NEB: variants seen among roughly 807,000 people sequenced by gnomAD.
NEB encodes the protein nebulin, also known as nemaline myopathy type 2.
In NEB, 512 loss-of-function variants were observed where a neutral mutation model predicts 952.2. The observed-to-expected ratio is 0.54, with a 90% CI of 0.50 to 0.58. The LOEUF is 0.58. Among genes scored for constraint, NEB ranks in the 20% least tolerant of loss-of-function variants. NEB has a pLI of 0.00. For synonymous variants in NEB, 2,900 were observed against 3,149.8 expected, an observed-to-expected ratio of 0.92 and a Z score of 2.66; for missense variants, 8,428 against 9,231.1, an observed-to-expected ratio of 0.91 and a Z score of 3.56.
In NEB at chr2:151,534,305, A is replaced by C. The variant is rs777930884; in HGVS notation, c.21313-759T>G. The C allele has an allele frequency of 4.9e-5, 79 of 1,613,270 alleles. No homozygotes were observed. Among genetic ancestry groups the C allele is most frequent in the Non-Finnish European group, 6.5e-5 (77 of 1,179,704 alleles). On this transcript the variant is annotated intron_variant, in intron 142 of 181. Coordinates refer to ENST00000397345, the MANE Select transcript of NEB (RefSeq NM_001164508.2). ...ATTTATCTTTCCGCTGCTCATAATC[A>C]GCTCTGTATTTTTTCTGCTCAAACA... is the stretch of plus-strand genomic sequence containing the variant.
intron 164 of NEB, chr2:151,505,914 TTGAC>T (rs1424097092): frequency 3.6e-6 from 2 of 563,112 alleles, no homozygotes; most frequent in Non-Finnish European, 6.3e-6. Context: ...GGTTGGTTCT[TTGAC>T]TGTACCGGAT....
chr2:151,642,548 G>A, intron 60 of NEB, 26 bp downstream of exon 60: 1 of 1,577,734 alleles, frequency 6.3e-7, no homozygotes, highest in Non-Finnish European at 8.7e-7. Flanking sequence ...CAAAGCTAAG[G>A]CAAATAACTT....
rs1397144611 is a variant in NEB, at chr2:151,492,408, C to A, written c.24852G>T (p.Glu8284Asp). 1.2e-6 allele frequency: 2 copies of A among 1,606,090 alleles called. No individual in the cohort carries two copies. The highest frequency in any genetic ancestry group is 2.2e-5 in the East Asian group (1 of 44,800). The change falls in exon 177 of 182, where the codon GAG becomes GAT. Residue 8284 changes from glutamate to aspartate, a missense_variant. Physicochemically the swap from Glu to Asp is conservative, Grantham distance 45. This residue lies in a region of NEB where 3,374 missense variants were observed against 3,651.5 expected (regional missense o/e 0.92). Coordinates refer to ENST00000397345, the MANE Select transcript of NEB (RefSeq NM_001164508.2). ...TCACCGTTGAGATGTGCCGTTGGGT[C>A]TCCCTCACCCGTCTCATCTCGGGGG... ...LDTPEMRRVR[E>D]TQRHISTVKY...
intron 52 of NEB, among the ~76,000 whole-genome samples, chr2:151,651,904 C>T (rs1245844013): frequency 2.6e-5 from 4 of 152,092 alleles, no homozygotes; most frequent in African/African-American, 7.2e-5. Context: ...AGCTTTCTGA[C>T]CTGACCTTCC....
At chr2:151,556,632 G>A (rs1000579614) in intron 124 of NEB, among the ~76,000 whole-genome samples, 13 of 152,130 alleles carry the variant, frequency 8.5e-5, no homozygotes, top group African/African-American at 3.1e-4. Flanking sequence ...TACATAATGG[G>A]AAAGGGATCA....
intron 142 of NEB, chr2:151,534,073 GTGGCTAGACAGA>G: frequency 1.6e-6 from 1 of 639,080 alleles, no homozygotes. Context: ...GGCTTTTTGG[GTGGCTAGACAGA>G]TACTTTGAAA....
At position 151,627,771 on chromosome 2, in the gene NEB, C is replaced by T; in HGVS notation, c.9895G>A (p.Asp3299Asn). Residue 3299 changes from aspartate (D) to asparagine (N), a missense_variant, in exon 69 of 182, where the codon GAT (aspartate) becomes AAT (asparagine). Asp to Asn is a conservative substitution (Grantham distance 23). Around this residue, in one of 11 missense-constraint regions of NEB, gnomAD observed 1,772 missense variants for 1,960.3 expected, o/e 0.90. Coordinates refer to ENST00000397345, the MANE Select transcript of NEB (RefSeq NM_001164508.2). ...ATGGACCACATCATCTTGGGGTCAT[C>T]TTCAATGTTCCGGGCTCCAATGTGG... ...GHHIGARNIE[D>N]DPKMMWSMHV... is the part of the protein sequence containing the mutation. 6.2e-7 allele frequency: 1 copy of T among 1,613,970 alleles called. No homozygotes were observed. The highest frequency in any genetic ancestry group is 1.3e-5 in the African/African-American group (1 of 75,044).
chr2:151,605,915 G>A (rs1354334155), intron 84 of NEB, among the ~76,000 whole-genome samples: 3 of 101,930 alleles, frequency 2.9e-5, no homozygotes, highest in African/African-American at 7.9e-5. Flanking sequence ...TGATTCTCCT[G>A]CCTCAGACTC....
intron 56 of NEB, 109 bp from the exon 57 acceptor site, chr2:151,644,238 C>G: frequency 7.0e-7 from 1 of 1,418,782 alleles, no homozygotes; most frequent in South Asian, 1.4e-5. Flanking sequence ...GCCTAGAGAG[C>G]CAAAGACTTC....
At chr2:151,692,491 A>G (rs1197861038) in intron 20 of NEB, 129 bp from the exon 21 acceptor site, 7 of 761,264 alleles carry the variant, frequency 9.2e-6, no homozygotes, top group Non-Finnish European at 1.6e-5. Flanking sequence ...TCAATTTTCC[A>G]CAAAGCAGAA....
Position 151,614,456 on chromosome 2 carries a change from C to G in NEB, c.11421G>C (p.Glu3807Asp). 10 of 1,613,944 alleles carry G rather than the reference C, an allele frequency of 6.2e-6. No homozygotes were observed. Among genetic ancestry groups the G allele is most frequent in the Non-Finnish European group, 7.6e-6 (9 of 1,179,860 alleles). The change falls in exon 77 of 182, where the codon GAG becomes GAC. Residue 3807 changes from glutamate to aspartate, a missense_variant. Transcript: ENST00000397345. ...TGAACTTGGTCTTCCACTTCTCAAA[C>G]TCCTTCTTGTACTCCCTGTCACTCT... Reference protein sequence around the residue: ...KIQSDREYKKEFEKWKTKFSS... With the variant: ...KIQSDREYKKDFEKWKTKFSS...
In NEB at chr2:151,563,879, C is replaced by T. The variant is rs34556044; in HGVS notation, c.18523G>A (p.Asp6175Asn). 3.7e-6 allele frequency: 6 copies of T among 1,612,702 alleles called. No homozygotes were observed. Among genetic ancestry groups the T allele is most frequent in the Non-Finnish European group, 5.1e-6 (6 of 1,179,432 alleles). ...EGTKAYGYTL[D>N]ERYIPIVGAK... is the part of the protein sequence containing the mutation. ...CCAACAATGGGAATGTAGCGCTCATCCAGGGTGTAGCCATAGGCCTTGGTG... is the reference window on the plus strand; with the variant it reads ...CCAACAATGGGAATGTAGCGCTCATTCAGGGTGTAGCCATAGGCCTTGGTG... Residue 6175 changes from aspartate (D) to asparagine (N), a missense_variant, in exon 118 of 182, where the codon GAT (aspartate) becomes AAT (asparagine). Transcript: ENST00000397345.
chr2:151,546,085 T>G, intron 134 of NEB, 87 bp from the exon 135 acceptor site: 1 of 947,648 alleles, frequency 1.1e-6, no homozygotes, highest in Non-Finnish European at 1.6e-6. Context: ...GTCTGGCATG[T>G]GTAAGCTGAG....
intron 159 of NEB, among the ~76,000 whole-genome samples, chr2:151,513,961 G>C (rs1233917144): frequency 1.3e-5 from 2 of 152,162 alleles, no homozygotes; most frequent in Non-Finnish European, 2.9e-5. Context: ...GAAGATTAGA[G>C]TATAAAGTAA....
Position 151,631,474 on chromosome 2 carries a change from G to T in NEB, c.9415-128C>A, listed in dbSNP as rs542768248. 6.0e-6 allele frequency: 6 copies of T among 1,003,518 alleles called. No individual in the cohort carries two copies. The African/African-American group carries it at 8.1e-5, about 14-fold the overall frequency. 62.2% of individuals were successfully genotyped at this position (1,003,518 alleles called of 1,614,324 possible). On this transcript the variant is annotated intron_variant, in intron 65 of 181. Transcript: ENST00000397345. ...GTAGAAAACAAGCGCGTTGTATAAGGCAAACTAAAAGAATTATGCTCAAAA... is the reference window on the plus strand; with the variant it reads ...GTAGAAAACAAGCGCGTTGTATAAGTCAAACTAAAAGAATTATGCTCAAAA...
Position 151,672,351 on chromosome 2 carries a change from G to T in NEB, c.4299+18C>A. On this transcript the variant is annotated intron_variant, in intron 37 of 181. Coordinates refer to ENST00000397345, the MANE Select transcript of NEB (RefSeq NM_001164508.2). ...TTTAAGTGCAAACATCTCTGGGTCT[G>T]TTGTTACACATACTTACATCACTCT... 6.4e-7 allele frequency: 1 copy of T among 1,566,220 alleles called. No individual in the cohort carries two copies. Among genetic ancestry groups the T allele is most frequent in the African/African-American group, 1.3e-5 (1 of 74,188 alleles).
At chr2:151,489,785 T>C (rs1401462950) in intron 181 of NEB, among the ~76,000 whole-genome samples, 186 bp downstream of exon 181, 1 of 152,126 alleles carries the variant, frequency 6.6e-6, no homozygotes, top group Non-Finnish European at 1.5e-5. Context: ...TGAATAATGC[T>C]TTTCATTAAT....
chr2:151,698,660 T>C (rs2099617715), intron 13 of NEB, among the ~76,000 whole-genome samples: 1 of 145,152 alleles, frequency 6.9e-6, no homozygotes, highest in South Asian at 2.2e-4. Flanking sequence ...TTTTTTGAGA[T>C]GGAGTCTCCC....
rs757835455 is a variant in NEB at position 151,554,957 on chromosome 2, G to A, written c.19402C>T (p.Leu6468Phe). The change falls in exon 125 of 182, where the codon CTC (leucine) becomes TTC (phenylalanine). Residue 6468 changes from leucine (L) to phenylalanine (F), a missense_variant. By Grantham distance (22) the Leu-to-Phe change is conservative. Around this residue, in one of 11 missense-constraint regions of NEB, gnomAD observed 3,374 missense variants for 3,651.5 expected, o/e 0.92. Coordinates refer to ENST00000397345, the MANE Select transcript of NEB (RefSeq NM_001164508.2). Reference protein sequence around the residue: ...VDDDPNTARCLRVGKLNIDRL... With the variant: ...VDDDPNTARCFRVGKLNIDRL... The stretch of plus-strand genomic sequence containing the variant: ...TCGATGTTAAGCTTGCCAACTCGGA[G>A]GCACCGTGCTGTGTTCGGATCATCG... The A allele has an allele frequency of 1.2e-6, 2 of 1,613,686 alleles. No individual in the cohort carries two copies. Among genetic ancestry groups the A allele is most frequent in the Non-Finnish European group, 8.5e-7 (1 of 1,179,646 alleles).
Sources: allele counts gnomAD v4.1 joint callset (sites outside exome capture counted in the v4.1 genomes callset), GRCh38; gene constraint gnomAD v4.1.1; regional missense constraint gnomAD v4.1.1; transcripts MANE v1.5; gene names NCBI Gene and HGNC (gene_info 2026-07-23, HGNC 2026-07-21).